Variants in UCMA observed in about 807,000 individuals in gnomAD.
UCMA encodes the protein upper zone of growth plate and cartilage matrix-associated protein.
In UCMA, 21 loss-of-function variants were observed where a neutral mutation model predicts 21.8. The ratio of observed to expected loss-of-function variants is 0.97; its 90% CI spans 0.68 to 1.39. UCMA has a LOEUF of 1.39. Among genes scored for constraint, UCMA ranks in the 40% most tolerant of loss-of-function variants. The pLI is 0.00. For synonymous variants in UCMA, 76 were observed against 67.9 expected (o/e 1.12, Z -0.58); for missense variants, 193 against 178.9 (o/e 1.08, Z -0.45).
rs758602354 is a variant in UCMA, at chr10:13,222,021, G to A, written c.*82C>T. On this transcript the variant is annotated 3_prime_UTR_variant, in exon 5 of 5. Transcript: ENST00000378681. ...CAAGCTGAGACCCTCTGAAGGGCCG[G>A]TTTGCATGGGAAAGATTGCTGGAAC... 15 of 1,500,878 alleles carry A rather than the reference G, an allele frequency of 1.0e-5. No homozygotes were observed. The highest frequency in any genetic ancestry group is 1.3e-5 in the Non-Finnish European group (14 of 1,082,788). 93.0% of individuals were successfully genotyped at this position (1,500,878 alleles called of 1,614,324 possible).
At position 13,233,764 on chromosome 10, in the gene UCMA, A is replaced by G. The variant is rs41291317; in HGVS notation, c.95T>C (p.Met32Thr). ...REGTSVSVGT[M>T]QMAGEEASED... ...ACTCGCCTCTTCTCCCGCCATCTGCATGGTGCCCACAGATACACTGGTTCC... is the reference window on the plus strand; with the variant it reads ...ACTCGCCTCTTCTCCCGCCATCTGCGTGGTGCCCACAGATACACTGGTTCC... Residue 32 changes from methionine to threonine, a missense_variant, in exon 2 of 5, where the codon ATG (methionine) becomes ACG (threonine). Physicochemically the swap from Met to Thr is moderately conservative, Grantham distance 81. Transcript: ENST00000378681. 5.5e-3 allele frequency: 8,878 copies of G among 1,613,882 alleles called. 36 individuals are homozygous for G. The highest frequency in any genetic ancestry group is 6.3e-3 in the Non-Finnish European group (7,430 of 1,179,986).
At chr10:13,230,557 C>T (rs987876058) in intron 3 of UCMA, among the ~76,000 whole-genome samples, 1 of 152,144 alleles carries the variant, frequency 6.6e-6, no homozygotes, top group Non-Finnish European at 1.5e-5. Flanking sequence ...GCACGCCTCA[C>T]GATCTCACAG....
chr10:13,234,305 G>C lies in UCMA; in HGVS notation c.-47C>G, dbSNP rs929961376. On this transcript the variant is annotated 5_prime_UTR_variant, in exon 1 of 5. Coordinates refer to ENST00000378681, the MANE Select transcript of UCMA (RefSeq NM_145314.3). The stretch of plus-strand genomic sequence containing the variant: ...GTCCAGGACCCACAAGGCAGACCAG[G>C]CGTCCTGCACCCTTTGGGTCCCCAC... 4.4e-6 allele frequency: 7 copies of C among 1,602,088 alleles called. No homozygotes were observed. The highest frequency in any genetic ancestry group is 5.1e-6 in the Non-Finnish European group (6 of 1,174,448).
Position 13,229,755 on chromosome 10 carries a change from A to T in UCMA, c.221-46T>A, listed in dbSNP as rs570369602. 53 of 1,510,714 alleles carry T rather than the reference A, an allele frequency of 3.5e-5. No homozygotes were observed. The South Asian group carries it at 5.5e-4, about 16-fold the overall frequency. 93.6% of individuals were successfully genotyped at this position (1,510,714 alleles called of 1,614,324 possible). A position where few individuals can be genotyped will look rare whatever the true frequency, so the allele number is the denominator to read the frequency against. ...AGAGTTGCCCCTCAAGAATGAGGACACTTAGGGGCACACACTTAGGGGAGC... is the reference window on the plus strand; with the variant it reads ...AGAGTTGCCCCTCAAGAATGAGGACTCTTAGGGGCACACACTTAGGGGAGC... On this transcript the variant is annotated intron_variant, in intron 3 of 4. Coordinates refer to ENST00000378681, the MANE Select transcript of UCMA (RefSeq NM_145314.3).
intron 3 of UCMA, among the ~76,000 whole-genome samples, chr10:13,231,563 A>C (rs1165776208): frequency 6.6e-6 from 1 of 152,162 alleles, no homozygotes; most frequent in Non-Finnish European, 1.5e-5. Context: ...GTCACTGCCT[A>C]TTCCTAAAGA....
rs765199412 is a variant in UCMA, at chr10:13,229,670, C to T, written c.260G>A (p.Arg87Lys). ...ATTCCTTTGTTCCTCGTAATATTCT[C>T]TCCGCAGCTCATCAACCCGAAGCTT... ...RQKLRVDELR[R>K]EYYEEQRNEF... is the part of the protein sequence containing the mutation. The change falls in exon 4 of 5, where the codon AGA (arginine) becomes AAA (lysine). Residue 87 changes from arginine (R) to lysine (K), a missense_variant. Arg to Lys is a conservative substitution (Grantham distance 26, BLOSUM62 2). Coordinates refer to ENST00000378681, the MANE Select transcript of UCMA (RefSeq NM_145314.3). The T allele has an allele frequency of 3.1e-6, 5 of 1,614,020 alleles. No homozygotes were observed. Among genetic ancestry groups the T allele is most frequent in the Non-Finnish European group, 3.4e-6 (4 of 1,180,044 alleles).
chr10:13,222,855 G>A (rs1328073409), intron 4 of UCMA, among the ~76,000 whole-genome samples: 1 of 151,642 alleles, frequency 6.6e-6, no homozygotes, highest in Non-Finnish European at 1.5e-5. Flanking sequence ...TTTTTATGGA[G>A]GTGGAATTTC....
chr10:13,228,436 A>G (rs550488934), intron 4 of UCMA, among the ~76,000 whole-genome samples: 2 of 152,288 alleles, frequency 1.3e-5, no homozygotes, highest in African/African-American at 4.8e-5. Context: ...CAAGAAAACC[A>G]TATAAAAATT....
rs1416651061 is a variant in UCMA at position 13,229,700 on chromosome 10, C to G, written c.230G>C (p.Arg77Thr). The G allele has an allele frequency of 1.2e-6, 2 of 1,613,922 alleles. No homozygotes were observed. Among genetic ancestry groups the G allele is most frequent in the Non-Finnish European group, 1.7e-6 (2 of 1,179,982 alleles). The change falls in exon 4 of 5, where the codon AGG becomes ACG. Residue 77 changes from arginine (R) to threonine (T), a missense_variant. Arg to Thr is a moderately conservative substitution (Grantham distance 71). Coordinates refer to ENST00000378681, the MANE Select transcript of UCMA (RefSeq NM_145314.3). The part of the protein sequence containing the change: ...KSRDEVNVEN[R>T]QKLRVDELRR... Reference sequence around the variant, plus strand: ...CAGCTCATCAACCCGAAGCTTCTGCCTGTTTTCCACTGTGAAAGGAAAAGA... The same window carrying G: ...CAGCTCATCAACCCGAAGCTTCTGCGTGTTTTCCACTGTGAAAGGAAAAGA...
chr10:13,233,367 G>A (rs1834924403), intron 3 of UCMA, among the ~76,000 whole-genome samples, 171 bp downstream of exon 3: 2 of 152,164 alleles, frequency 1.3e-5, no homozygotes, highest in Admixed American at 1.3e-4. Context: ...CCTACAGTCA[G>A]GAAATAGGGT....
rs75192980 is a variant in UCMA at position 13,228,441 on chromosome 10, A to G, written c.319+1170T>C. ...CATAAAGCCACAAGAAAACCATATA[A>G]AAATTTTCAGGTGATCTGATGCTTT... On this transcript the variant is annotated intron_variant, in intron 4 of 4. Transcript: ENST00000378681. 2.8e-3 allele frequency among the ~76,000 whole-genome samples: 424 copies of G among 152,230 alleles called. 2 individuals are homozygous for G. Among genetic ancestry groups the G allele is most frequent in the South Asian group, 6.0e-3 (29 of 4,816 alleles).
intron 3 of UCMA, among the ~76,000 whole-genome samples, chr10:13,232,474 T>C (rs762039071): frequency 3.3e-5 from 5 of 151,970 alleles, no homozygotes; most frequent in Non-Finnish European, 5.9e-5. Context: ...TTCTCCCATT[T>C]TAATCAAAAA....
Position 13,233,577 on chromosome 10 carries a change from G to T in UCMA, c.181C>A (p.Arg61Ser). The change falls in exon 3 of 5, where the codon CGC (arginine) becomes AGC (serine). Residue 61 changes from arginine to serine, a missense_variant. Physicochemically the swap from Arg to Ser is moderately radical, Grantham distance 110. Transcript: ENST00000378681. ...ESDASNFLKR[R>S]GKRSPKSRDE... ...CTGGACTTGGGGGACCGCTTGCCGC[G>T]CCTCTTGAGGAAATTCGAGGCATCT... 11 of 1,614,038 alleles carry T rather than the reference G, an allele frequency of 6.8e-6. No individual in the cohort carries two copies. Among genetic ancestry groups the T allele is most frequent in the Non-Finnish European group, 8.5e-6 (10 of 1,180,014 alleles).
chr10:13,229,242 T>C (rs1219403607), intron 4 of UCMA, among the ~76,000 whole-genome samples: 1 of 152,110 alleles, frequency 6.6e-6, no homozygotes, highest in Non-Finnish European at 1.5e-5. Context: ...GGCCCTCCCT[T>C]CTTTTCAAGG....
At chr10:13,225,535 C>T (rs868353666) in intron 4 of UCMA, among the ~76,000 whole-genome samples, 7 of 151,874 alleles carry the variant, frequency 4.6e-5, no homozygotes, top group African/African-American at 1.2e-4. Context: ...ATTAGCAAGG[C>T]GTGGTGGTGG....
intron 4 of UCMA, among the ~76,000 whole-genome samples, chr10:13,223,940 T>C (rs1834791941): frequency 6.6e-6 from 1 of 151,846 alleles, no homozygotes; most frequent in Non-Finnish European, 1.5e-5. Context: ...GCTTTATGAA[T>C]GCAGTTTCTG....
intron 4 of UCMA, among the ~76,000 whole-genome samples, chr10:13,226,722 A>C (rs1834827838): frequency 6.6e-6 from 1 of 152,166 alleles, no homozygotes; most frequent in African/African-American, 2.4e-5. Flanking sequence ...CTGGCAGAGC[A>C]AGGGCTCAAG....
intron 4 of UCMA, among the ~76,000 whole-genome samples, chr10:13,227,790 A>G (rs944435799): frequency 6.4e-5 from 9 of 139,670 alleles, no homozygotes; most frequent in Non-Finnish European, 1.4e-4. Context: ...ATTCTCTGGT[A>G]TGCTGGTGTG....
intron 4 of UCMA, among the ~76,000 whole-genome samples, chr10:13,227,283 G>T (rs1194033537): frequency 1.3e-5 from 2 of 152,194 alleles, no homozygotes; most frequent in African/African-American, 4.8e-5. Flanking sequence ...AGAGCAAACG[G>T]CCAGGAGAAA....
Sources: allele counts gnomAD v4.1 joint callset (sites outside exome capture counted in the v4.1 genomes callset), GRCh38; gene constraint gnomAD v4.1.1; transcripts MANE v1.5; gene names NCBI Gene and HGNC (gene_info 2026-07-23, HGNC 2026-07-21).